SLCO1B3: variants seen among roughly 807,000 people sequenced by gnomAD.
SLCO1B3 encodes the protein solute carrier organic anion transporter family member 1B3, also known as liver-specific organic anion transporter 2.
A neutral mutation model predicts 71.8 loss-of-function variants in SLCO1B3; 72 were observed. That is an observed-to-expected ratio of 1.00 (90% CI 0.83 to 1.22). The LOEUF is 1.22. SLCO1B3 is among the 50% of genes most tolerant of loss of function. SLCO1B3 has a pLI of 0.00. For missense variants in SLCO1B3, 911 were observed against 819.7 expected (o/e 1.11, Z -1.36); for synonymous variants, 298 against 278.4 (o/e 1.07, Z -0.70).
At chr12:20,864,884 G>T (rs1319476216) in intron 8 of SLCO1B3, among the ~76,000 whole-genome samples, 1 of 152,082 alleles carries the variant, frequency 6.6e-6, no homozygotes, top group Admixed American at 6.6e-5. Flanking sequence ...GGAAATTAGG[G>T]TATGATGGTT....
chr12:20,854,305 C>CATTATTATTATT (rs138788559), intron 3 of SLCO1B3, among the ~76,000 whole-genome samples: 64 of 151,188 alleles, frequency 4.2e-4, no homozygotes, highest in Middle Eastern at 3.4e-3. Flanking sequence ...ATTGAAGTAT[C>CATTATTATTATT]ATTATTATTA....
rs181514998 is a variant in SLCO1B3, at chr12:20,818,354, A to G, written c.84+2532A>G. On this transcript the variant is annotated intron_variant, in intron 3 of 15. Transcript: ENST00000381545. ...AAGGGCTGGTCTTTTATCAGACTGT[A>G]TAGAGGTGGGAAGGCTAAACTGAGG... 7.2e-5 allele frequency among the ~76,000 whole-genome samples: 11 copies of G among 152,294 alleles called. No individual in the cohort carries two copies. In the East Asian group the frequency reaches 2.1e-3, roughly 29 times the overall value.
At chr12:20,887,400 A>G (rs1431020011) in intron 13 of SLCO1B3, among the ~76,000 whole-genome samples, 1 of 151,990 alleles carries the variant, frequency 6.6e-6, no homozygotes, top group Non-Finnish European at 1.5e-5. Flanking sequence ...TGACCTTGTA[A>G]TAATAGCTAT....
At chr12:20,895,224 A>G (rs990165840) in intron 13 of SLCO1B3, among the ~76,000 whole-genome samples, 1 of 152,164 alleles carries the variant, frequency 6.6e-6, no homozygotes, top group African/African-American at 2.4e-5. Context: ...TCACATTTCA[A>G]TACCAATCAT....
intron 3 of SLCO1B3, among the ~76,000 whole-genome samples, chr12:20,839,590 T>C (rs548317433): frequency 2.0e-5 from 3 of 152,246 alleles, no homozygotes; most frequent in South Asian, 2.1e-4. Context: ...GGGACTTTTT[T>C]CCCCTTGTCT....
At chr12:20,844,451 C>G (rs543371821) in intron 3 of SLCO1B3, among the ~76,000 whole-genome samples, 1 of 151,750 alleles carries the variant, frequency 6.6e-6, no homozygotes, top group South Asian at 2.1e-4. Context: ...CCCTGTAGTA[C>G]CAGTTACCTG....
chr12:20,823,945 G>T (rs1322965309), intron 3 of SLCO1B3, among the ~76,000 whole-genome samples: 2 of 152,148 alleles, frequency 1.3e-5, no homozygotes, highest in Non-Finnish European at 2.9e-5. Context: ...TGTCATTCCA[G>T]TCAAGGACTT....
intron 15 of SLCO1B3, among the ~76,000 whole-genome samples, chr12:20,907,458 C>T (rs1192481367): frequency 1.5e-5 from 2 of 134,858 alleles, no homozygotes; most frequent in East Asian, 4.6e-4. Context: ...CCTTCCTTCC[C>T]CTCCCTTCCC....
intron 3 of SLCO1B3, among the ~76,000 whole-genome samples, chr12:20,850,929 A>G (rs1441506329): frequency 6.6e-6 from 1 of 152,230 alleles, no homozygotes; most frequent in Non-Finnish European, 1.5e-5. Context: ...CCATCAAGGT[A>G]TAAGTGTTCC....
At chr12:20,908,923 A>G (rs773424076) in intron 15 of SLCO1B3, among the ~76,000 whole-genome samples, 7 of 152,222 alleles carry the variant, frequency 4.6e-5, no homozygotes, top group Non-Finnish European at 1.0e-4. Flanking sequence ...TTACTTGATC[A>G]TATGATAAAA....
intron 3 of SLCO1B3, among the ~76,000 whole-genome samples, chr12:20,835,870 C>T (rs1400689448): frequency 3.3e-5 from 5 of 152,166 alleles, no homozygotes; most frequent in Admixed American, 1.3e-4. Flanking sequence ...AGCAATGCCC[C>T]TCAGTACCAA....
intron 6 of SLCO1B3, among the ~76,000 whole-genome samples, chr12:20,861,657 T>C (rs148582133): frequency 1.0e-3 from 157 of 152,246 alleles, no homozygotes; most frequent in African/African-American, 3.7e-3. Context: ...CAAAATGTTA[T>C]AGCATTTGAA....
intron 13 of SLCO1B3, among the ~76,000 whole-genome samples, chr12:20,896,693 C>T (rs1352491241): frequency 6.6e-6 from 1 of 152,162 alleles, no homozygotes; most frequent in Non-Finnish European, 1.5e-5. Context: ...TGCCTGTTAC[C>T]CAGTTCCAAG....
At chr12:20,905,263 T>C (rs1011304942) in intron 15 of SLCO1B3, among the ~76,000 whole-genome samples, 3 of 152,140 alleles carry the variant, frequency 2.0e-5, no homozygotes, top group Non-Finnish European at 4.4e-5. Flanking sequence ...TCCAGGCTGG[T>C]GATAGGAGGG....
chr12:20,845,326 A>C, intron 3 of SLCO1B3: 1 of 58,228 alleles, frequency 1.7e-5, no homozygotes, highest in South Asian at 4.7e-4. Flanking sequence ...TAGAAACATC[A>C]TCAGTCCTTA....
Position 20,861,036 on chromosome 12 carries a change from AC to A in SLCO1B3, c.382del (p.His128IlefsTer16). ...TTACAGTTATAGGTATTCTAAAGAAACCCATATTAATCCATCAGAAAATTCA... is the reference window on the plus strand; with the variant it reads ...TTACAGTTATAGGTATTCTAAAGAAACCATATTAATCCATCAGAAAATTCA... ...FMGYYRYSKE[T>X]HINPSENSTS... On this transcript the variant is annotated frameshift_variant, in exon 6 of 16. Transcript: ENST00000381545. LOFTEE classifies it high-confidence loss of function. The A allele has an allele frequency of 6.3e-7, 1 of 1,589,776 alleles. No individual in the cohort carries two copies. The highest frequency in any genetic ancestry group is 8.6e-7 in the Non-Finnish European group (1 of 1,164,176).
At chr12:20,908,475 C>T (rs1866301043) in intron 15 of SLCO1B3, among the ~76,000 whole-genome samples, 1 of 152,144 alleles carries the variant, frequency 6.6e-6, no homozygotes, top group South Asian at 2.1e-4. Context: ...ACATAACCAC[C>T]ACTCCACTAT....
chr12:20,857,228 T>C (rs888058078), intron 4 of SLCO1B3, among the ~76,000 whole-genome samples: 3 of 152,146 alleles, frequency 2.0e-5, no homozygotes, highest in Admixed American at 2.0e-4. Flanking sequence ...TTTACTAGCA[T>C]GTATCCGAGA....
chr12:20,837,443 A>T (rs1479775546), intron 3 of SLCO1B3, among the ~76,000 whole-genome samples: 1 of 152,016 alleles, frequency 6.6e-6, no homozygotes, highest in Non-Finnish European at 1.5e-5. Context: ...TTTCTCATAT[A>T]TGTATTCAGT....
Sources: gnomAD v4.1 joint callset for allele counts (sites outside exome capture counted in the v4.1 genomes callset) on GRCh38, gnomAD v4.1.1 for gene constraint, MANE v1.5 for transcripts, NCBI Gene and HGNC (gene_info 2026-07-23, HGNC 2026-07-21) for gene names.